The following ADGRL2 variants were observed in gnomAD, a reference collection of about 807,000 sequenced individuals.
ADGRL2 encodes the protein calcium-independent alpha-latrotoxin receptor 2.
ADGRL2 carries 44 observed loss-of-function variants against 157.4 expected under a neutral mutation model. That is an observed-to-expected ratio of 0.28 (90% CI 0.22 to 0.36). The LOEUF (loss-of-function observed/expected upper bound fraction) is 0.36, where lower values mean the gene tolerates loss of function less well. ADGRL2 is among the 10% of genes least tolerant of loss of function. The pLI is 1.00. For missense variants in ADGRL2, 1,510 were observed against 1,768.9 expected (o/e 0.85, Z 2.63); for synonymous variants, 585 against 624.7 (o/e 0.94, Z 0.95).
intron 1 of ADGRL2, among the ~76,000 whole-genome samples, chr1:81,824,854 T>C (rs10518663): frequency 0.14 from 21,342 of 152,104 alleles, 1,657 homozygotes; most frequent in East Asian, 0.19. Flanking sequence ...TTCAGAAATA[T>C]TGAGCAAGTA....
chr1:81,431,676 G>T (rs1024819841), intron 1 of ADGRL2, among the ~76,000 whole-genome samples: 6 of 152,296 alleles, frequency 3.9e-5, no homozygotes, highest in African/African-American at 1.4e-4. Flanking sequence ...AAATGGGGAT[G>T]GGAAGAACTA....
At position 81,346,664 on chromosome 1, in the gene ADGRL2, A is replaced by G. The variant is rs561682482; in HGVS notation, c.-302+40155A>G. 4.6e-5 allele frequency among the ~76,000 whole-genome samples: 7 copies of G among 152,308 alleles called. No homozygotes were observed. The East Asian group carries it at 1.4e-3, about 29-fold the overall frequency. The stretch of plus-strand genomic sequence containing the variant: ...CTCCATATGATGGCACAATGAGAAG[A>G]TAGCCATCTATAAAGACAAGATGAG... On this transcript the variant is annotated intron_variant, in intron 1 of 24. Transcript: ENST00000370721.
chr1:81,799,528 T>C (rs184152952), upstream of ADGRL2, among the ~76,000 whole-genome samples: 1 of 152,344 alleles, frequency 6.6e-6, no homozygotes, highest in African/African-American at 2.4e-5. Context: ...GACCAGTAGT[T>C]GGATTGGATT....
Position 81,468,626 on chromosome 1 carries a change from G to A in ADGRL2, c.-248+23537G>A, listed in dbSNP as rs565495060. On this transcript the variant is annotated intron_variant, in intron 2 of 24. Transcript: ENST00000370721. ...GGAAGCATTTCTGATAACCTCGTAA[G>A]TTGTTAATGTTTAAAGGATGATAGC... 5.3e-5 allele frequency among the ~76,000 whole-genome samples: 8 copies of A among 152,288 alleles called. No homozygotes were observed. The South Asian group carries it at 1.7e-3, about 32-fold the overall frequency.
At chr1:81,655,598 T>C (rs1051381258) in intron 3 of ADGRL2, among the ~76,000 whole-genome samples, 13 of 152,184 alleles carry the variant, frequency 8.5e-5, no homozygotes, top group African/African-American at 3.1e-4. Context: ...TTTTTTGCTT[T>C]TACCTATTTT....
intron 2 of ADGRL2, chr1:81,502,961 C>T (rs1323998899): frequency 6.2e-7 from 1 of 1,612,812 alleles, no homozygotes; most frequent in Non-Finnish European, 8.5e-7. Context: ...GGTGATGGAG[C>T]CCCAGTGACA....
intron 2 of ADGRL2, among the ~76,000 whole-genome samples, chr1:81,515,860 ATCT>A (rs1270468806): frequency 3.3e-5 from 5 of 152,126 alleles, no homozygotes; most frequent in Admixed American, 6.6e-5. Flanking sequence ...ATGTTTTTAA[ATCT>A]TCTTTTCTTC....
intron 1 of ADGRL2, among the ~76,000 whole-genome samples, chr1:81,437,436 C>T (rs1418502498): frequency 6.6e-6 from 1 of 152,116 alleles, no homozygotes; most frequent in African/African-American, 2.4e-5. Flanking sequence ...AAAACAGATC[C>T]AAAGTCATCT....
intron 2 of ADGRL2, among the ~76,000 whole-genome samples, chr1:81,525,380 C>T (rs1023082093): frequency 2.0e-5 from 3 of 151,894 alleles, no homozygotes; most frequent in African/African-American, 7.3e-5. Context: ...TGCAGTGGTG[C>T]GATCCCGGCT....
At chr1:81,823,811 T>C (rs2091222449) in intron 1 of ADGRL2, among the ~76,000 whole-genome samples, 2 of 152,020 alleles carry the variant, frequency 1.3e-5, no homozygotes, top group South Asian at 4.1e-4. Flanking sequence ...AAGAAAGGTA[T>C]AGAAGTGAGA....
chr1:81,453,143 T>C (rs1165449485), intron 2 of ADGRL2, among the ~76,000 whole-genome samples: 1 of 152,200 alleles, frequency 6.6e-6, no homozygotes, highest in African/African-American at 2.4e-5. Context: ...TCTCTTATTG[T>C]TATGTGATAC....
upstream of ADGRL2, among the ~76,000 whole-genome samples, chr1:81,698,004 T>C (rs2083479582): frequency 6.6e-6 from 1 of 152,136 alleles, no homozygotes; most frequent in African/African-American, 2.4e-5. Flanking sequence ...AACTGGAATC[T>C]CTCCAATATG....
chr1:81,841,456 A>G (rs1376944301), intron 2 of ADGRL2, among the ~76,000 whole-genome samples: 2 of 152,270 alleles, frequency 1.3e-5, no homozygotes, highest in South Asian at 2.1e-4. Context: ...GTTAAATATG[A>G]AATAGTGAAA....
At chr1:81,762,513 G>T (rs981832188) in intron 2 of ADGRL2, among the ~76,000 whole-genome samples, 6 of 152,078 alleles carry the variant, frequency 3.9e-5, no homozygotes, top group South Asian at 2.1e-4. Flanking sequence ...AAAGGTCAGT[G>T]TAAAATGATA....
At chr1:81,469,976 T>A (rs1028647048) in intron 2 of ADGRL2, among the ~76,000 whole-genome samples, 2 of 152,170 alleles carry the variant, frequency 1.3e-5, no homozygotes, top group African/African-American at 4.8e-5. Context: ...GCTTAATAAA[T>A]GTTTCTGCAC....
intron 1 of ADGRL2, among the ~76,000 whole-genome samples, chr1:81,400,177 C>T (rs1570852793): frequency 6.6e-6 from 1 of 152,088 alleles, no homozygotes; most frequent in African/African-American, 2.4e-5. Context: ...CCATTTCCCC[C>T]CAGTGGAAAG....
intron 2 of ADGRL2, among the ~76,000 whole-genome samples, chr1:81,476,565 A>G (rs2078277366): frequency 6.6e-6 from 1 of 152,150 alleles, no homozygotes; most frequent in Admixed American, 6.6e-5. Flanking sequence ...ACACAAATTT[A>G]TTGAAACGTT....
At position 81,992,682 on chromosome 1, in the gene ADGRL2, AAAG is replaced by A. The variant is rs997839412; in HGVS notation, c.*1541_*1543del. Among the ~76,000 whole-genome samples, 7 of 152,158 alleles carry A rather than the reference AAAG, an allele frequency of 4.6e-5. No individual in the cohort carries two copies. Among genetic ancestry groups the A allele is most frequent in the African/African-American group, 1.7e-4 (7 of 41,440 alleles). On this transcript the variant is annotated 3_prime_UTR_variant, in exon 24 of 24. Coordinates refer to ENST00000686636, the MANE Select transcript of ADGRL2 (RefSeq NM_001366006.2). ...TTGTTGCATTGTACCAGGACTAAAA[AAAG>A]AAGGATTGGAAGTTCTGCCATCAAA... is the stretch of plus-strand genomic sequence containing the variant.
At chr1:81,676,748 G>T (rs770761937) in intron 3 of ADGRL2, among the ~76,000 whole-genome samples, 1 of 148,834 alleles carries the variant, frequency 6.7e-6, no homozygotes, top group Non-Finnish European at 1.5e-5. Flanking sequence ...GTGCAGTGGC[G>T]CGTTCTCAGC....
Sources: allele counts gnomAD v4.1 joint callset (sites outside exome capture counted in the v4.1 genomes callset), GRCh38; gene constraint gnomAD v4.1.1; transcripts MANE v1.5; gene names NCBI Gene and HGNC (gene_info 2026-07-23, HGNC 2026-07-21).